The following TMEM272 variants were observed in gnomAD, a reference collection of about 807,000 sequenced individuals.
The protein encoded by TMEM272 is long intergenic non-protein coding RNA 282.
Under a neutral mutation model 3.7 loss-of-function variants are expected in TMEM272, and 8 were observed. The observed-to-expected ratio is 2.17, with a 90% CI of 1.27 to 3.91. The LOEUF (loss-of-function observed/expected upper bound fraction) is 3.91. Among genes scored for constraint, TMEM272 ranks in the 30% most tolerant of loss-of-function variants. TMEM272 has a pLI of 0.00. For synonymous variants in TMEM272, 63 were observed against 39.8 expected (o/e 1.58, Z -2.20); for missense variants, 166 against 91.5 (o/e 1.81, Z -3.32).
At chr13:51,906,172 C>T in the TMEM272 span, among the ~76,000 whole-genome samples, 1 of 152,176 alleles carries the variant, frequency 6.6e-6, no homozygotes, top group South Asian at 2.1e-4. Flanking sequence ...CATGTCAGTA[C>T]CCCCTGCAAA....
the TMEM272 span, among the ~76,000 whole-genome samples, chr13:51,899,171 T>G: frequency 1.6e-4 from 24 of 152,256 alleles, no homozygotes; most frequent in Admixed American, 1.4e-3. Flanking sequence ...AGTTGCAGGA[T>G]ATGAGGTCAA....
chr13:51,908,417 C>T, the TMEM272 span: 1 of 1,486,870 alleles, frequency 6.7e-7, no homozygotes, highest in Non-Finnish European at 9.4e-7. Context: ...CTGGGACATC[C>T]CTTGGTGGAA....
the TMEM272 span, among the ~76,000 whole-genome samples, chr13:51,885,188 G>T: frequency 6.6e-6 from 1 of 152,190 alleles, no homozygotes; most frequent in South Asian, 2.1e-4. Flanking sequence ...AACAGGAAAA[G>T]ACTCATTTGT....
At chr13:51,835,520 G>A (rs965629123) in intron 2 of TMEM272, among the ~76,000 whole-genome samples, 2 of 152,210 alleles carry the variant, frequency 1.3e-5, no homozygotes, top group African/African-American at 2.4e-5. Flanking sequence ...CACTGCACCC[G>A]GCCAAAACTT....
upstream of TMEM272, among the ~76,000 whole-genome samples, chr13:51,846,826 TAAA>T (rs1566360203): frequency 2.0e-5 from 3 of 152,162 alleles, no homozygotes; most frequent in South Asian, 6.2e-4. Context: ...AATTATAAAG[TAAA>T]AAAGTTACAG....
the TMEM272 span, chr13:51,865,348 C>A: frequency 6.5e-7 from 1 of 1,544,380 alleles, no homozygotes; most frequent in African/African-American, 1.4e-5. Context: ...ACCAGCCGAC[C>A]TGGACCTGGC....
upstream of TMEM272, among the ~76,000 whole-genome samples, chr13:51,846,577 A>G (rs1956307412): frequency 6.6e-6 from 1 of 152,254 alleles, no homozygotes; most frequent in Non-Finnish European, 1.5e-5. Flanking sequence ...ACTTATATAT[A>G]TTAAAAAAAG....
chr13:51,866,114 C>G, the TMEM272 span: 4 of 1,514,060 alleles, frequency 2.6e-6, no homozygotes, highest in Non-Finnish European at 3.5e-6. Context: ...GTGGTCCAGA[C>G]TCCCCTGGGT....
At chr13:51,865,890 T>G in the TMEM272 span, 1 of 1,613,500 alleles carries the variant, frequency 6.2e-7, no homozygotes, top group African/African-American at 1.3e-5. Context: ...AGAGCCCTCC[T>G]TGAGGGGGAG....
Position 51,813,507 on chromosome 13 carries a change from G to A in TMEM272, c.*3244C>T. On this transcript the variant is annotated 3_prime_UTR_variant, in exon 5 of 5. Coordinates refer to ENST00000629372, the MANE Select transcript of TMEM272 (RefSeq NM_001351003.2). Reference sequence around the variant, plus strand: ...GAAGTACTGGAAGTGACATTATATTGTCCTCATGGTGACAACCAGGATGGG... The same window carrying A: ...GAAGTACTGGAAGTGACATTATATTATCCTCATGGTGACAACCAGGATGGG... 1 of 365,138 alleles carries A rather than the reference G, an allele frequency of 2.7e-6. No individual in the cohort carries two copies. The highest frequency in any genetic ancestry group is 1.5e-4 in the South Asian group (1 of 6,716). 22.6% of individuals were successfully genotyped at this position (365,138 alleles called of 1,614,324 possible).
intron 3 of TMEM272, among the ~76,000 whole-genome samples, chr13:51,823,675 T>C (rs1184457846): frequency 6.6e-6 from 1 of 152,274 alleles, no homozygotes; most frequent in Non-Finnish European, 1.5e-5. Context: ...AGGGAATTCT[T>C]ACTGTAGAAC....
chr13:51,915,796 G>A, the TMEM272 span, among the ~76,000 whole-genome samples: 23 of 152,140 alleles, frequency 1.5e-4, no homozygotes, highest in African/African-American at 4.3e-4. Context: ...ACACGTGGCC[G>A]GGTGCGGTGG....
At chr13:51,865,687 G>C in the TMEM272 span, 1 of 1,614,156 alleles carries the variant, frequency 6.2e-7, no homozygotes, top group Non-Finnish European at 8.5e-7. Flanking sequence ...TCTGGAAAGA[G>C]GAAAAATCCT....
the TMEM272 span, among the ~76,000 whole-genome samples, chr13:51,902,076 CA>C: frequency 9.8e-5 from 15 of 152,306 alleles, no homozygotes; most frequent in East Asian, 7.7e-4. Flanking sequence ...GATGTGGTAT[CA>C]GGGGGGTTAC....
At chr13:51,915,815 T>G in the TMEM272 span, among the ~76,000 whole-genome samples, 1 of 152,194 alleles carries the variant, frequency 6.6e-6, no homozygotes, top group Non-Finnish European at 1.5e-5. Context: ...GGCTCATGCC[T>G]GTAAATCCCA....
At position 51,816,985 on chromosome 13, in the gene TMEM272, C is replaced by A. The variant is rs1459189052; in HGVS notation, c.330G>T (p.Leu110=). The part of the protein sequence containing the change: ...QNAHRYYIHL[L]LSLFLFLWFI... ...ACCAGAGGAAGAGGAAGAGGCTCAG[C>A]AGGAGGTGGATGTAGTATCTGTGCG... Residue 110 remains leucine (L), a synonymous_variant, in exon 5 of 5, where the codon CTG becomes CTT. Transcript: ENST00000629372. 2 of 703,026 alleles carry A rather than the reference C, an allele frequency of 2.8e-6. No individual in the cohort carries two copies. Among genetic ancestry groups the A allele is most frequent in the African/African-American group, 1.7e-5 (1 of 57,360 alleles). 43.5% of individuals were successfully genotyped at this position (703,026 alleles called of 1,614,324 possible). A position where few individuals can be genotyped will look rare whatever the true frequency, so the allele number is the denominator to read the frequency against.
chr13:51,897,362 ATTTTTT>A, the TMEM272 span, among the ~76,000 whole-genome samples: 356 of 82,246 alleles, frequency 4.3e-3, no homozygotes, highest in African/African-American at 0.014. Context: ...TGTCTGGCTA[ATTTTTT>A]TTTTTTTTTT....
chr13:51,846,345 C>T (rs1046272545), upstream of TMEM272, among the ~76,000 whole-genome samples: 2 of 152,206 alleles, frequency 1.3e-5, no homozygotes, highest in Admixed American at 1.3e-4. Flanking sequence ...TTCCTATCAC[C>T]TAGTGATGTC....
At chr13:51,857,737 A>G in the TMEM272 span, among the ~76,000 whole-genome samples, 2 of 152,120 alleles carry the variant, frequency 1.3e-5, no homozygotes, top group Non-Finnish European at 2.9e-5. Flanking sequence ...TAGAAAAAAC[A>G]TGGTAAGAAA....
Sources: gnomAD v4.1 joint callset for allele counts (sites outside exome capture counted in the v4.1 genomes callset) on GRCh38, gnomAD v4.1.1 for gene constraint, MANE v1.5 for transcripts, NCBI Gene and HGNC (gene_info 2026-07-23, HGNC 2026-07-21) for gene names.